Variants in FHIT observed in about 807,000 individuals in gnomAD.
FHIT encodes the protein fragile histidine triad diadenosine triphosphatase, also known as bis(5'-adenosyl)-triphosphatase.
Under a neutral mutation model 17.9 loss-of-function variants are expected in FHIT, and 19 were observed. That is an observed-to-expected ratio of 1.06 (90% CI 0.74 to 1.56). FHIT has a LOEUF of 1.56. FHIT is among the 40% of genes most tolerant of loss of function. The pLI is 0.00. For missense variants in FHIT, 248 were observed against 189.2 expected, an observed-to-expected ratio of 1.31 and a Z score of -1.82; for synonymous variants, 81 against 69.7, an observed-to-expected ratio of 1.16 and a Z score of -0.81.
At chr3:60,363,670 CCTGTCCCCAT>C (rs1411548382) in intron 5 of FHIT, among the ~76,000 whole-genome samples, 1 of 152,086 alleles carries the variant, frequency 6.6e-6, no homozygotes, top group African/African-American at 2.4e-5. Flanking sequence ...CTGTGTATCT[CCTGTCCCCAT>C]CACTCCCCAC....
intron 5 of FHIT, among the ~76,000 whole-genome samples, chr3:60,188,073 T>G (rs1452899876): frequency 1.3e-5 from 2 of 152,028 alleles, no homozygotes; most frequent in African/African-American, 2.4e-5. Flanking sequence ...AAGCACATTT[T>G]CCATAACTAA....
chr3:61,015,673 A>T (rs1401755722), intron 3 of FHIT, among the ~76,000 whole-genome samples: 2 of 152,210 alleles, frequency 1.3e-5, no homozygotes, highest in Non-Finnish European at 2.9e-5. Flanking sequence ...ATAAGAAATA[A>T]GGTGAAGAAC....
chr3:60,200,580 G>C (rs891029467), intron 5 of FHIT, among the ~76,000 whole-genome samples: 1 of 151,824 alleles, frequency 6.6e-6, no homozygotes, highest in African/African-American at 2.4e-5. Flanking sequence ...TTCCTCTACA[G>C]GGCATCCATG....
chr3:60,718,855 C>G (rs1156414302), intron 4 of FHIT, among the ~76,000 whole-genome samples: 1 of 152,134 alleles, frequency 6.6e-6, no homozygotes, highest in Non-Finnish European at 1.5e-5. Context: ...GTGCATTACA[C>G]CTCTCCAAGA....
At chr3:60,583,888 C>T (rs1553660605) in intron 4 of FHIT, among the ~76,000 whole-genome samples, 1 of 152,084 alleles carries the variant, frequency 6.6e-6, no homozygotes, top group Non-Finnish European at 1.5e-5. Flanking sequence ...TACAAATTCT[C>T]TCAGTAGTAA....
chr3:60,436,374 T>C (rs1448438662), intron 5 of FHIT, among the ~76,000 whole-genome samples: 2 of 152,056 alleles, frequency 1.3e-5, no homozygotes, highest in Non-Finnish European at 2.9e-5. Flanking sequence ...TTTATCCAGT[T>C]TATCAATGAT....
intron 4 of FHIT, among the ~76,000 whole-genome samples, chr3:60,557,894 T>C (rs2036796605): frequency 6.6e-6 from 1 of 152,126 alleles, no homozygotes; most frequent in African/African-American, 2.4e-5. Flanking sequence ...TAAAATACTA[T>C]TTCAAATGCC....
chr3:61,021,928 T>A (rs2032459371), intron 3 of FHIT, among the ~76,000 whole-genome samples: 1 of 151,856 alleles, frequency 6.6e-6, no homozygotes, highest in East Asian at 1.9e-4. Context: ...ACCTCACAAT[T>A]AAGAGAACTA....
At chr3:60,834,010 C>G (rs1553743248) in intron 3 of FHIT, among the ~76,000 whole-genome samples, 1 of 152,260 alleles carries the variant, frequency 6.6e-6, no homozygotes, top group East Asian at 1.9e-4. Context: ...GGATGGACCA[C>G]AGTTTGCTTA....
intron 5 of FHIT, among the ~76,000 whole-genome samples, chr3:60,070,393 A>T (rs1039005090): frequency 9.9e-5 from 15 of 152,210 alleles, no homozygotes; most frequent in African/African-American, 3.6e-4. Flanking sequence ...CTTTCAAAAA[A>T]TATTTACTGA....
At chr3:60,299,414 G>A (rs1708352891) in intron 5 of FHIT, among the ~76,000 whole-genome samples, 1 of 152,150 alleles carries the variant, frequency 6.6e-6, no homozygotes, top group Admixed American at 6.5e-5. Context: ...AAAAATAAAT[G>A]AATATTCTTC....
At chr3:61,054,059 C>G (rs940898955) in intron 2 of FHIT, among the ~76,000 whole-genome samples, 4 of 152,194 alleles carry the variant, frequency 2.6e-5, no homozygotes, top group Non-Finnish European at 5.9e-5. Context: ...CCCAGCTAGT[C>G]CCTGATGTCA....
At chr3:60,445,142 T>G (rs2031234595) in intron 5 of FHIT, among the ~76,000 whole-genome samples, 1 of 152,094 alleles carries the variant, frequency 6.6e-6, no homozygotes, top group Admixed American at 6.6e-5. Flanking sequence ...ACGTAAGTAT[T>G]GCTTGGAAAA....
chr3:59,956,184 C>T (rs1032094931), intron 7 of FHIT, among the ~76,000 whole-genome samples: 10 of 152,158 alleles, frequency 6.6e-5, no homozygotes, highest in Admixed American at 5.2e-4. Flanking sequence ...AACTCTTCTT[C>T]CTTAATCTAG....
chr3:60,689,791 G>C (rs1401970102), intron 4 of FHIT, among the ~76,000 whole-genome samples: 1 of 151,996 alleles, frequency 6.6e-6, no homozygotes, highest in Non-Finnish European at 1.5e-5. Context: ...ATATGATCCT[G>C]GGTTTCTTAT....
chr3:59,866,665 T>C (rs1245652430), intron 8 of FHIT, among the ~76,000 whole-genome samples: 10 of 152,086 alleles, frequency 6.6e-5, no homozygotes, highest in Non-Finnish European at 4.4e-5. Context: ...ACTAAAGGAT[T>C]ACTTGAAATC....
At chr3:61,024,670 C>T (rs1307447676) in intron 3 of FHIT, among the ~76,000 whole-genome samples, 1 of 152,072 alleles carries the variant, frequency 6.6e-6, no homozygotes, top group South Asian at 2.1e-4. Flanking sequence ...TGAATAAATA[C>T]TGTAACAAAA....
intron 2 of FHIT, among the ~76,000 whole-genome samples, chr3:61,164,299 TAGA>T (rs2037774556): frequency 6.6e-6 from 1 of 152,202 alleles, no homozygotes; most frequent in South Asian, 2.1e-4. Flanking sequence ...AAGCATGGTA[TAGA>T]AGAAGGCTTC....
intron 5 of FHIT, among the ~76,000 whole-genome samples, chr3:60,139,432 T>A (rs1699943222): frequency 6.6e-6 from 1 of 152,092 alleles, no homozygotes; most frequent in Admixed American, 6.6e-5. Context: ...GGAAACAAGG[T>A]GGAGGATATA....
Sources: allele counts gnomAD v4.1 joint callset (sites outside exome capture counted in the v4.1 genomes callset), GRCh38; gene constraint gnomAD v4.1.1; transcripts MANE v1.5; gene names NCBI Gene and HGNC (gene_info 2026-07-23, HGNC 2026-07-21).